The following ASTN2 variants were observed in gnomAD, a reference collection of about 807,000 sequenced individuals.
The protein encoded by ASTN2 is astrotactin 2.
Under a neutral mutation model 139.8 loss-of-function variants are expected in ASTN2, and 54 were observed. The observed-to-expected ratio is 0.39, with a 90% CI of 0.31 to 0.48. The LOEUF (loss-of-function observed/expected upper bound fraction) is 0.48, where lower values mean the gene tolerates loss of function less well. Ranked by LOEUF, ASTN2 falls within the 20% of genes least tolerant of loss-of-function variation. The pLI is 0.95. For synonymous variants in ASTN2, 756 were observed against 719.5 expected (o/e 1.05, Z -0.81); for missense variants, 1,565 against 1,725.1 (o/e 0.91, Z 1.64).
rs540151665 is a variant in ASTN2, at chr9:116,792,483, A to T, written c.2396+13149T>A. On this transcript the variant is annotated intron_variant, in intron 13 of 22. Coordinates refer to ENST00000313400, the MANE Select transcript of ASTN2 (RefSeq NM_001365068.1). ...GAGGAGGCTCTAATCCAGGCACCCA[A>T]CCGTGGCTTCAGCACCTGGGACTTA... Among the ~76,000 whole-genome samples, 15 of 152,298 alleles carry T rather than the reference A, an allele frequency of 9.8e-5. No homozygotes were observed. In the East Asian group the frequency reaches 2.7e-3, roughly 27 times the overall value.
intron 10 of ASTN2, among the ~76,000 whole-genome samples, chr9:116,930,049 G>C (rs4838028): frequency 0.43 from 65,559 of 152,022 alleles, 17,089 homozygotes; most frequent in Non-Finnish European, 0.58. Context: ...CAGTTCCCTG[G>C]CTGTAAATGC....
chr9:117,045,999 T>TGTAC (rs1564399860), intron 5 of ASTN2, among the ~76,000 whole-genome samples: 2 of 131,286 alleles, frequency 1.5e-5, no homozygotes, highest in South Asian at 2.5e-4. Context: ...TACGTATGTA[T>TGTAC]GTATGTATGT....
chr9:116,980,480 C>T (rs1167648724), intron 7 of ASTN2, among the ~76,000 whole-genome samples: 1 of 152,074 alleles, frequency 6.6e-6, no homozygotes, highest in East Asian at 1.9e-4. Context: ...AAAACTATCA[C>T]CCCTAACTCC....
chr9:117,092,926 A>G (rs1828742792), intron 5 of ASTN2, among the ~76,000 whole-genome samples: 1 of 152,192 alleles, frequency 6.6e-6, no homozygotes, highest in Admixed American at 6.5e-5. Context: ...AGGGGACAAC[A>G]GAACCATTCT....
chr9:116,743,563 G>A (rs1490909955), intron 13 of ASTN2, among the ~76,000 whole-genome samples: 3 of 152,108 alleles, frequency 2.0e-5, no homozygotes, highest in African/African-American at 4.8e-5. Context: ...CCAGGCTGGA[G>A]TGCACTGGTG....
Position 116,683,348 on chromosome 9 carries a change from G to A in ASTN2, c.2807-31555C>T, listed in dbSNP as rs1860004844. On this transcript the variant is annotated intron_variant, in intron 16 of 22. Transcript: ENST00000313400. ...TGGGAAACTTCTATAATTCTGATAT[G>A]ATTTAGAGTACATTATTAATAATTA... 2.0e-5 allele frequency among the ~76,000 whole-genome samples: 3 copies of A among 152,108 alleles called. No individual in the cohort carries two copies. In the South Asian group the frequency reaches 6.2e-4, roughly 31 times the overall value.
intron 5 of ASTN2, among the ~76,000 whole-genome samples, chr9:117,060,036 C>T (rs963029398): frequency 3.3e-5 from 5 of 152,136 alleles, no homozygotes; most frequent in South Asian, 2.1e-4. Flanking sequence ...ATAGGTCAGG[C>T]GTGGTGGCTC....
intron 10 of ASTN2, among the ~76,000 whole-genome samples, chr9:116,954,424 G>C (rs546327152): frequency 6.6e-6 from 1 of 152,110 alleles, no homozygotes; most frequent in Non-Finnish European, 1.5e-5. Context: ...AATAAGCAAG[G>C]GATGCCAATG....
chr9:117,311,616 A>C (rs1199902184), intron 1 of ASTN2, among the ~76,000 whole-genome samples: 3 of 152,204 alleles, frequency 2.0e-5, no homozygotes, highest in Non-Finnish European at 2.9e-5. Context: ...GATCAAGCTC[A>C]GAAGAAGAAA....
chr9:116,945,969 C>A lies in ASTN2; in HGVS notation c.1889+29239G>T, dbSNP rs115056006. On this transcript the variant is annotated intron_variant, in intron 10 of 22. Coordinates refer to ENST00000313400, the MANE Select transcript of ASTN2 (RefSeq NM_001365068.1). ...GGAAACTTACAATCATTGCAAAAGG[C>A]AAAGGGGAAGCAAGGTCCTCCTTCG... Among the ~76,000 whole-genome samples the A allele has an allele frequency of 8.9e-3, 1,356 of 152,270 alleles. 29 individuals carry two copies. Among genetic ancestry groups the A allele is most frequent in the African/African-American group, 0.031 (1,285 of 41,546 alleles).
chr9:117,357,248 A>C (rs1829565574), intron 1 of ASTN2, among the ~76,000 whole-genome samples: 1 of 152,186 alleles, frequency 6.6e-6, no homozygotes, highest in African/African-American at 2.4e-5. Flanking sequence ...TATAAATATG[A>C]ATATAAACAT....
chr9:116,699,497 T>G lies in ASTN2; in HGVS notation c.2806+26274A>C. On this transcript the variant is annotated intron_variant, in intron 16 of 22. Transcript: ENST00000313400. This position sits in a 1 kb window ranked among gnomAD's most constrained non-coding sequence, Gnocchi z 4.2. ...GCATTGCTGGCATGTGTGTGGATGC[T>G]CGTGGTGATCTCATCGTGGCTGACA... 6.2e-7 allele frequency: 1 copy of G among 1,613,460 alleles called. No homozygotes were observed. The highest frequency in any genetic ancestry group is 8.5e-7 in the Non-Finnish European group (1 of 1,179,816).
At chr9:117,220,690 G>C (rs1183931646) in intron 2 of ASTN2, among the ~76,000 whole-genome samples, 1 of 152,130 alleles carries the variant, frequency 6.6e-6, no homozygotes, top group Non-Finnish European at 1.5e-5. Flanking sequence ...CTCCCTCAGA[G>C]CCTCCGGGAG....
At chr9:116,881,019 G>C (rs147937526) in intron 10 of ASTN2, among the ~76,000 whole-genome samples, 108 of 152,320 alleles carry the variant, frequency 7.1e-4, no homozygotes, top group Admixed American at 1.4e-3. Context: ...AGAAGAGGTA[G>C]CCACACATGG....
At chr9:117,358,289 C>T (rs1366207593) in intron 1 of ASTN2, among the ~76,000 whole-genome samples, 1 of 151,624 alleles carries the variant, frequency 6.6e-6, no homozygotes, top group Non-Finnish European at 1.5e-5. Flanking sequence ...CACACACACA[C>T]ACACACATAC....
At chr9:116,893,625 C>T (rs924241340) in intron 10 of ASTN2, among the ~76,000 whole-genome samples, 1 of 152,114 alleles carries the variant, frequency 6.6e-6, no homozygotes, top group South Asian at 2.1e-4. Flanking sequence ...TGGTAGGTGC[C>T]TGCATGGAGT....
chr9:117,368,754 C>T lies in ASTN2; in HGVS notation c.442+45743G>A, dbSNP rs527314492. 5.3e-5 allele frequency among the ~76,000 whole-genome samples: 8 copies of T among 152,236 alleles called. No homozygotes were observed. In the South Asian group the frequency reaches 1.7e-3, roughly 32 times the overall value. ...CTGAAAAACTCATATATAAAAATAA[C>T]ATACATTTTTAACATGTTGGTTTAT... On this transcript the variant is annotated intron_variant, in intron 1 of 22. Transcript: ENST00000313400.
chr9:117,016,890 G>T, intron 6 of ASTN2, among the ~76,000 whole-genome samples: 1 of 150,478 alleles, frequency 6.6e-6, no homozygotes, highest in Admixed American at 6.7e-5. Flanking sequence ...TTCCTGAAGT[G>T]CTGTGCCCAA....
Position 116,577,536 on chromosome 9 carries a change from A to AAAAAAG in ASTN2, c.3355+40782_3355+40787dup, listed in dbSNP as rs372608395. Reference sequence around the variant, plus strand: ...AACAGAATGAAACTGTGTCTCAAAAAAAAAAGAAAAAGAAAAAGAAAAAAG... The same window carrying AAAAAAG: ...AACAGAATGAAACTGTGTCTCAAAAAAAAAAGAAAAAGAAAAAGAAAAAGAAAAAAG... On this transcript the variant is annotated intron_variant, in intron 19 of 22. Transcript: ENST00000313400. Among the ~76,000 whole-genome samples the AAAAAAG allele has an allele frequency of 7.6e-5, 11 of 144,990 alleles. No homozygotes were observed. In the East Asian group the frequency reaches 1.9e-3, roughly 25 times the overall value.
Sources: allele counts gnomAD v4.1 joint callset (sites outside exome capture counted in the v4.1 genomes callset), GRCh38; gene constraint gnomAD v4.1.1; non-coding constraint Gnocchi (gnomAD v3.1); transcripts MANE v1.5; gene names NCBI Gene and HGNC (gene_info 2026-07-23, HGNC 2026-07-21).